NHSL2: variants seen among roughly 807,000 people sequenced by gnomAD.
NHSL2 encodes NHS-like protein 2.
In NHSL2, 27 loss-of-function variants were observed where a neutral mutation model predicts 53.4. That is an observed-to-expected ratio of 0.51 (90% confidence interval 0.37 to 0.70). The LOEUF (loss-of-function observed/expected upper bound fraction) is 0.70. NHSL2 is among the 30% of genes least tolerant of loss of function. The probability of loss-of-function intolerance (pLI) is 0.00; values close to 1 mark genes in which losing one functional copy is unlikely to be tolerated. For missense variants in NHSL2, 892 were observed against 980.1 expected, an observed-to-expected ratio of 0.91 and a Z score of 1.20; for synonymous variants, 408 against 404.1, an observed-to-expected ratio of 1.01 and a Z score of -0.12.
intron 1 of NHSL2, chrX:72,128,637 C>T (rs749241768): frequency 3.1e-4 from 35 of 112,669 alleles, no homozygotes; most frequent in African/African-American, 1.1e-3. Context: ...AGGGGTTGGC[C>T]CCCATGAGGG....
At chrX:72,069,616 G>C (rs1602344886) in intron 1 of NHSL2, 3 of 825,355 alleles carry the variant, frequency 3.6e-6, no homozygotes, top group Non-Finnish European at 4.6e-6. Flanking sequence ...AGGAGTAGGA[G>C]GAGGAGGAGG....
intron 1 of NHSL2, among the ~76,000 whole-genome samples, chrX:71,970,026 C>T (rs1159087821): frequency 2.7e-5 from 3 of 112,077 alleles, no homozygotes; most frequent in Admixed American, 9.4e-5. Flanking sequence ...TTGAAATCAG[C>T]GTGTGGTTTT....
chrX:71,984,389 T>C (rs1287000474), intron 1 of NHSL2, among the ~76,000 whole-genome samples: 1 of 112,268 alleles, frequency 8.9e-6, no homozygotes, highest in Non-Finnish European at 1.9e-5. Context: ...AAATTGTCCC[T>C]AGTAAACTAA....
At chrX:72,113,757 T>C (rs2042112456) in intron 1 of NHSL2, among the ~76,000 whole-genome samples, 2 of 112,498 alleles carry the variant, frequency 1.8e-5, no homozygotes, top group African/African-American at 6.5e-5. Flanking sequence ...CCTCTCCTGG[T>C]TTGAACCTGA....
intron 1 of NHSL2, among the ~76,000 whole-genome samples, chrX:72,110,335 T>A (rs916307379): frequency 1.8e-5 from 2 of 111,146 alleles, no homozygotes; most frequent in Non-Finnish European, 3.8e-5. Context: ...CCTCTGAGAA[T>A]GACCTCCTCA....
intron 1 of NHSL2, among the ~76,000 whole-genome samples, chrX:72,015,909 A>T (rs1569472110): frequency 8.9e-6 from 1 of 112,196 alleles, no homozygotes; most frequent in Non-Finnish European, 1.9e-5. Context: ...CATTTCAAAT[A>T]TATTTCCCCA....
chrX:72,069,829 G>C lies in NHSL2; in HGVS notation c.281-62250G>C. 3 of 523,550 alleles carry C rather than the reference G, an allele frequency of 5.7e-6. No individual in the cohort carries two copies. The Admixed American group carries it at 1.8e-4, about 31-fold the overall frequency. The allele number at this position is 523,550 out of a possible 1,213,427, so 43.1% of individuals were successfully genotyped here. On this transcript the variant is annotated intron_variant, in intron 1 of 7. Coordinates refer to ENST00000633930, the MANE Select transcript of NHSL2 (RefSeq NM_001013627.3). ...CCAGCTGCTGCCATGCGGGGCCCCT[G>C]ACCCTTGGCGTGACTTGCAGGGGCT... is the stretch of plus-strand genomic sequence containing the variant.
intron 1 of NHSL2, among the ~76,000 whole-genome samples, chrX:72,125,636 C>G: frequency 8.9e-6 from 1 of 112,038 alleles, no homozygotes; most frequent in Non-Finnish European, 1.9e-5. Flanking sequence ...TTTCCACCTT[C>G]TCTGGCCATA....
intron 1 of NHSL2, among the ~76,000 whole-genome samples, chrX:72,035,893 G>A (rs1226524281): frequency 8.9e-6 from 1 of 111,922 alleles, no homozygotes; most frequent in African/African-American, 3.3e-5. Context: ...CAGCACAGCA[G>A]GAGGTGAGCG....
chrX:72,127,580 A>G (rs2147502427), intron 1 of NHSL2: 1 of 111,342 alleles, frequency 9.0e-6, no homozygotes, highest in Admixed American at 9.5e-5. Flanking sequence ...CTCCACAGGG[A>G]CATGGGGCAG....
chrX:72,124,927 A>C (rs1372366762), intron 1 of NHSL2, among the ~76,000 whole-genome samples: 1 of 111,639 alleles, frequency 9.0e-6, no homozygotes, highest in East Asian at 2.8e-4. Flanking sequence ...TACTCCTGGC[A>C]AGCCAAAGGG....
chrX:72,019,160 A>C (rs935358532), intron 1 of NHSL2, among the ~76,000 whole-genome samples: 6 of 112,291 alleles, frequency 5.3e-5, no homozygotes, highest in Admixed American at 1.9e-4. Flanking sequence ...CTTTCACCTG[A>C]GGTGATGGAG....
At chrX:71,947,339 C>T (rs1276686811) in intron 1 of NHSL2, among the ~76,000 whole-genome samples, 1 of 112,003 alleles carries the variant, frequency 8.9e-6, no homozygotes, top group Non-Finnish European at 1.9e-5. Flanking sequence ...TTCCTAACCT[C>T]GTCCTGCAGA....
At chrX:71,928,474 A>G (rs769194063) in intron 1 of NHSL2, among the ~76,000 whole-genome samples, 1 of 112,389 alleles carries the variant, frequency 8.9e-6, no homozygotes, top group Admixed American at 9.3e-5. Context: ...GGCCAGTGAC[A>G]GGTTTGTTGT....
intron 1 of NHSL2, among the ~76,000 whole-genome samples, chrX:71,980,568 GGGTGTGTGT>G (rs1297803103): frequency 0.025 from 34 of 1,380 alleles, no homozygotes; most frequent in African/African-American, 0.088. Flanking sequence ...GGGGTGTGTG[GGGTGTGTGT>G]GTGTGTGTGT....
In NHSL2 at chrX:72,151,036, GAC is replaced by G. The variant is rs2042508740; in HGVS notation, c.*7464_*7465del. 2.8e-5 allele frequency: 3 copies of G among 107,000 alleles called. No homozygotes were observed. The South Asian group carries it at 1.2e-3, about 44-fold the overall frequency. 8.8% of individuals were successfully genotyped at this position (107,000 alleles called of 1,213,427 possible). On this transcript the variant is annotated 3_prime_UTR_variant, in exon 8 of 8. Coordinates refer to ENST00000633930, the MANE Select transcript of NHSL2 (RefSeq NM_001013627.3). ...AATGTAAACCACTCTCTTTTTTTTT[GAC>G]AGAGTCTCTCTCTGTAGCCAGGCTG...
At chrX:72,061,523 G>T (rs1390286494) in intron 1 of NHSL2, among the ~76,000 whole-genome samples, 1 of 111,926 alleles carries the variant, frequency 8.9e-6, no homozygotes, top group African/African-American at 3.2e-5. Context: ...CCCTGATCCT[G>T]GCCCATCATC....
At chrX:72,033,760 T>C (rs1230339855) in intron 1 of NHSL2, among the ~76,000 whole-genome samples, 3 of 112,017 alleles carry the variant, frequency 2.7e-5, no homozygotes, top group Non-Finnish European at 5.6e-5. Context: ...CTTGCTGAAG[T>C]CATTTATTAG....
intron 1 of NHSL2, among the ~76,000 whole-genome samples, chrX:71,986,478 T>TC (rs2042003383): frequency 8.9e-6 from 1 of 112,171 alleles, no homozygotes; most frequent in South Asian, 3.7e-4. Flanking sequence ...CTTTTCTTTT[T>TC]CCCCTCCCTT....
Sources: allele counts gnomAD v4.1 joint callset (sites outside exome capture counted in the v4.1 genomes callset), GRCh38; gene constraint gnomAD v4.1.1; transcripts MANE v1.5; gene names NCBI Gene and HGNC (gene_info 2026-07-23, HGNC 2026-07-21).